The following ADCY2 variants were observed in gnomAD, a reference collection of about 807,000 sequenced individuals.
ADCY2 encodes adenylate cyclase type 2.
ADCY2 carries 31 observed loss-of-function variants against 125.2 expected under a neutral mutation model. The ratio of observed to expected loss-of-function variants is 0.25; its 90% CI spans 0.19 to 0.33. The LOEUF is 0.33. Ranked by LOEUF, ADCY2 falls within the 10% of genes least tolerant of loss-of-function variation. The pLI is 1.00. For synonymous variants in ADCY2, 512 were observed against 548.4 expected, an observed-to-expected ratio of 0.93 and a Z score of 0.93; for missense variants, 904 against 1,418.2, an observed-to-expected ratio of 0.64 and a Z score of 5.82.
chr5:7,439,583 C>T (rs931302157), intron 2 of ADCY2, among the ~76,000 whole-genome samples: 2 of 151,898 alleles, frequency 1.3e-5, no homozygotes, highest in African/African-American at 4.8e-5. Flanking sequence ...TGTACATATA[C>T]ATTATGCATA....
At chr5:7,780,644 A>C (rs572496475) in intron 18 of ADCY2, among the ~76,000 whole-genome samples, 24 of 152,368 alleles carry the variant, frequency 1.6e-4, no homozygotes, top group Non-Finnish European at 3.2e-4. Context: ...CACTGTTAAC[A>C]GCACAAGAGA....
intron 2 of ADCY2, among the ~76,000 whole-genome samples, chr5:7,418,265 C>T (rs17813430): frequency 0.14 from 21,350 of 152,124 alleles, 2,015 homozygotes; most frequent in Non-Finnish European, 0.21. Flanking sequence ...GCCACTGGGG[C>T]CCTGGATCGT....
intron 14 of ADCY2, among the ~76,000 whole-genome samples, chr5:7,734,872 G>A (rs1163701398): frequency 6.6e-6 from 1 of 152,184 alleles, no homozygotes; most frequent in Non-Finnish European, 1.5e-5. Flanking sequence ...CAGCATGGGT[G>A]GGATTGGGTG....
chr5:7,499,246 T>C (rs1265090695), intron 2 of ADCY2, among the ~76,000 whole-genome samples: 2 of 152,074 alleles, frequency 1.3e-5, no homozygotes, highest in African/African-American at 2.4e-5. Context: ...GACCTCATGA[T>C]CCACCCATCT....
intron 12 of ADCY2, 85 bp downstream of exon 12, chr5:7,717,322 T>A: frequency 1.1e-6 from 1 of 878,356 alleles, no homozygotes; most frequent in Non-Finnish European, 1.7e-6. Context: ...ATAGTTACCA[T>A]GACAAAGCCA....
intron 3 of ADCY2, among the ~76,000 whole-genome samples, chr5:7,529,562 T>C (rs1734578634): frequency 6.6e-6 from 1 of 152,170 alleles, no homozygotes. Context: ...TGGAAGCGAA[T>C]GTGAGAGGGT....
chr5:7,767,719 A>G (rs1743430176), intron 17 of ADCY2, among the ~76,000 whole-genome samples: 1 of 152,116 alleles, frequency 6.6e-6, no homozygotes, highest in Non-Finnish European at 1.5e-5. Flanking sequence ...GGAAGCTCAC[A>G]GCTCCATGCA....
chr5:7,824,979 G>C (rs763006290), intron 24 of ADCY2, among the ~76,000 whole-genome samples: 1 of 152,146 alleles, frequency 6.6e-6, no homozygotes, highest in Non-Finnish European at 1.5e-5. Context: ...CACCTTCCCC[G>C]GGACACACCA....
intron 24 of ADCY2, among the ~76,000 whole-genome samples, chr5:7,821,091 T>C (rs1745285639): frequency 6.6e-6 from 1 of 152,032 alleles, no homozygotes; most frequent in Non-Finnish European, 1.5e-5. Context: ...CAAGCTGAAT[T>C]GGGAGGAGGG....
chr5:7,551,245 G>A (rs1192167810), intron 3 of ADCY2, among the ~76,000 whole-genome samples: 1 of 152,026 alleles, frequency 6.6e-6, no homozygotes, highest in African/African-American at 2.4e-5. Flanking sequence ...ATTTGGGGTT[G>A]GGAGATGCAA....
In ADCY2 at chr5:7,820,221, G is replaced by A. The variant is rs538669883; in HGVS notation, c.2999-344G>A. 1.1e-4 allele frequency among the ~76,000 whole-genome samples: 16 copies of A among 152,280 alleles called. 1 individual carries two copies. The South Asian group carries it at 1.9e-3, about 18-fold the overall frequency. ...CAAAGGGGAAGCTTTGGCCTGGCGC[G>A]GTGGCTCACTCCTGTAATCCCAGCA... On this transcript the variant is annotated intron_variant, in intron 23 of 24. Transcript: ENST00000338316.
At chr5:7,552,289 G>GT (rs1040397077) in intron 3 of ADCY2, among the ~76,000 whole-genome samples, 4 of 152,214 alleles carry the variant, frequency 2.6e-5, no homozygotes, top group African/African-American at 9.6e-5. Context: ...TAATTACATT[G>GT]TTTTTTAAAA....
intron 2 of ADCY2, among the ~76,000 whole-genome samples, chr5:7,478,401 G>C (rs252547): frequency 2.6e-5 from 4 of 152,006 alleles, no homozygotes; most frequent in African/African-American, 9.7e-5. Context: ...TTAATTTCTC[G>C]TATGTGTACT....
At chr5:7,778,823 C>G (rs1743823718) in intron 18 of ADCY2, among the ~76,000 whole-genome samples, 1 of 152,204 alleles carries the variant, frequency 6.6e-6, no homozygotes, top group Non-Finnish European at 1.5e-5. Context: ...ACAAGAAAAC[C>G]TATCCCACAC....
intron 3 of ADCY2, among the ~76,000 whole-genome samples, chr5:7,556,542 AC>A (rs1735512152): frequency 6.6e-6 from 1 of 152,212 alleles, no homozygotes; most frequent in Non-Finnish European, 1.5e-5. Flanking sequence ...GGAAGTTTCA[AC>A]ATTATATGTT....
intron 2 of ADCY2, among the ~76,000 whole-genome samples, chr5:7,442,143 T>C (rs1013218729): frequency 2.6e-5 from 4 of 152,166 alleles, no homozygotes; most frequent in African/African-American, 9.7e-5. Context: ...AAAACGTCTG[T>C]TGTTTGCATT....
intron 17 of ADCY2, among the ~76,000 whole-genome samples, chr5:7,768,069 T>A (rs1428919732): frequency 6.6e-6 from 1 of 152,064 alleles, no homozygotes; most frequent in Non-Finnish European, 1.5e-5. Flanking sequence ...TGGTGTTCTT[T>A]CCTGGAGGCT....
chr5:7,575,349 T>G (rs897779578), intron 3 of ADCY2, among the ~76,000 whole-genome samples: 1 of 152,096 alleles, frequency 6.6e-6, no homozygotes, highest in Non-Finnish European at 1.5e-5. Flanking sequence ...CACAAAACTG[T>G]TTTTTAAAAA....
chr5:7,396,415 T>G lies in ADCY2; in HGVS notation c.119T>G (p.Met40Arg). The G allele has an allele frequency of 6.3e-7, 1 of 1,579,996 alleles. No individual in the cohort carries two copies. Among genetic ancestry groups the G allele is most frequent in the Non-Finnish European group, 8.6e-7 (1 of 1,163,664 alleles). ...RDWLYESYYCMSQQHPLIVFL... is the reference protein window; with the variant it reads ...RDWLYESYYCRSQQHPLIVFL... ...TGGCTCTACGAGTCCTACTACTGCATGAGCCAGCAGCACCCGCTCATCGTC... is the reference window on the plus strand; with the variant it reads ...TGGCTCTACGAGTCCTACTACTGCAGGAGCCAGCAGCACCCGCTCATCGTC... Residue 40 changes from methionine to arginine, a missense_variant, in exon 1 of 25, where the codon ATG becomes AGG. Physicochemically the swap from Met to Arg is moderately conservative, Grantham distance 91. Transcript: ENST00000338316. This position sits in a 1 kb window ranked among gnomAD's most constrained non-coding sequence, Gnocchi z 5.7.
Sources: gnomAD v4.1 joint callset for allele counts (sites outside exome capture counted in the v4.1 genomes callset) on GRCh38, gnomAD v4.1.1 for gene constraint, Gnocchi (gnomAD v3.1) non-coding constraint, MANE v1.5 for transcripts, NCBI Gene and HGNC (gene_info 2026-07-23, HGNC 2026-07-21) for gene names.